Variants in POLR2F observed in about 807,000 individuals in gnomAD.
POLR2F encodes DNA-directed RNA polymerases I, II, and III subunit RPABC2.
Under a neutral mutation model 22.7 loss-of-function variants are expected in POLR2F, and 12 were observed. That is an observed-to-expected ratio of 0.53 (90% CI 0.34 to 0.86). The LOEUF (loss-of-function observed/expected upper bound fraction) is 0.86. POLR2F is among the 40% of genes least tolerant of loss of function. The pLI is 0.02. For synonymous variants in POLR2F, 57 were observed against 66.0 expected, an observed-to-expected ratio of 0.86 and a Z score of 0.66; for missense variants, 126 against 171.5, an observed-to-expected ratio of 0.73 and a Z score of 1.48.
At chr22:37,981,974 G>T (rs189637500), upstream of POLR2F, among the ~76,000 whole-genome samples, 1 of 152,294 alleles carries the variant, frequency 6.6e-6, no homozygotes, top group African/African-American at 2.4e-5. Flanking sequence ...TGGTCTCTTG[G>T]AGATCCTCCT....
At chr22:38,024,070 C>T (rs1463310518) in intron 1 of POLR2F, among the ~76,000 whole-genome samples, 3 of 152,088 alleles carry the variant, frequency 2.0e-5, no homozygotes, top group African/African-American at 2.4e-5. Flanking sequence ...TCTCGAACTC[C>T]TGACCTCAGG....
At chr22:38,030,441 A>G (rs1264461871), downstream of POLR2F, among the ~76,000 whole-genome samples, 1 of 150,318 alleles carries the variant, frequency 6.7e-6, no homozygotes, top group Non-Finnish European at 1.5e-5. Context: ...GATTCCAGAG[A>G]CTTTCACAGT....
In POLR2F at chr22:37,995,703, T is replaced by C. The variant is rs538862890; in HGVS notation, c.120+9391T>C. On this transcript the variant is annotated intron_variant, in intron 1 of 2. Coordinates refer to the POLR2F transcript ENST00000333418. ...AAAAAGCTGGGAGAGGCAGGTACAG[T>C]GGCTCACACCTGTAGTCCCAGCACT... Among the ~76,000 whole-genome samples, 34 of 152,128 alleles carry C rather than the reference T, an allele frequency of 2.2e-4. No homozygotes were observed. The South Asian group carries it at 3.7e-3, about 17-fold the overall frequency.
rs1305483895 is a variant in POLR2F, at chr22:37,978,485, A to C, written c.293+11315A>C. Among the ~76,000 whole-genome samples, 1 of 152,212 alleles carries C rather than the reference A, an allele frequency of 6.6e-6. No individual in the cohort carries two copies. The highest frequency in any genetic ancestry group is 1.5e-5 in the Non-Finnish European group (1 of 68,038). ...CAAGGAAAGGAAAAACTTTCTCATC[A>C]TCAAAGCTGTCTGCAAGTGGAATTG... On this transcript the variant is annotated intron_variant, in intron 4 of 4. Transcript: ENST00000405557. This position sits in a 1 kb window ranked among gnomAD's most constrained non-coding sequence, Gnocchi z 5.0.
chr22:37,970,287 CCGTCT>C (rs1292382151), downstream of POLR2F, among the ~76,000 whole-genome samples: 2 of 97,934 alleles, frequency 2.0e-5, no homozygotes, highest in Non-Finnish European at 4.1e-5. Context: ...GAGAGAGACT[CCGTCT>C]CAAAAAAAAA....
intron 3 of POLR2F, among the ~76,000 whole-genome samples, chr22:37,961,486 C>A (rs1028687436): frequency 6.6e-6 from 1 of 152,134 alleles, no homozygotes; most frequent in East Asian, 1.9e-4. Flanking sequence ...ATTTGAAAAT[C>A]AGCAAACTTC....
At position 38,016,530 on chromosome 22, in the gene POLR2F, C is replaced by T. The variant is rs1199347517; in HGVS notation, c.121-9339C>T. Among the ~76,000 whole-genome samples, 5 of 152,128 alleles carry T rather than the reference C, an allele frequency of 3.3e-5. No homozygotes were observed. On this transcript the variant is annotated intron_variant, in intron 1 of 2. Transcript: ENST00000333418. The surrounding 1 kb of genome is among the most constrained non-coding windows in gnomAD (Gnocchi z 4.4). Reference sequence around the variant, plus strand: ...TTCATAAATCAGAGGGGCTTAGGGGCGAGGGGGCTGCTTGGCAGGACTTGG... The same window carrying T: ...TTCATAAATCAGAGGGGCTTAGGGGTGAGGGGGCTGCTTGGCAGGACTTGG...
At chr22:38,014,357 T>A (rs985799805) in intron 1 of POLR2F, among the ~76,000 whole-genome samples, 2 of 150,500 alleles carry the variant, frequency 1.3e-5, no homozygotes, top group Admixed American at 6.6e-5. Flanking sequence ...TTTTTTTATT[T>A]TTTTTTTTTT....
chr22:37,973,329 G>A (rs902445135), downstream of POLR2F: 3 of 587,576 alleles, frequency 5.1e-6, no homozygotes, highest in African/African-American at 1.9e-5. Flanking sequence ...GATGGGGCGG[G>A]TGGGTCATCA....
rs767609626 is a variant in POLR2F, at chr22:37,959,464, C to T, written c.209C>T (p.Ala70Val). 3 of 1,613,816 alleles carry T rather than the reference C, an allele frequency of 1.9e-6. No individual in the cohort carries two copies. The highest frequency in any genetic ancestry group is 2.5e-6 in the Non-Finnish European group (3 of 1,179,934). The change falls in exon 3 of 5, where the codon GCG becomes GTG. Residue 70 changes from alanine to valine, a missense_variant. Coordinates refer to ENST00000442738, the MANE Select transcript of POLR2F (RefSeq NM_021974.5). ...YERARVLGTR[A>V]LQIAMCAPVM... The stretch of plus-strand genomic sequence containing the variant: ...CGAGCCCGCGTGCTGGGCACCCGAG[C>T]GCTCCAGATTGCGTGAGTGATTGCC...
chr22:37,993,085 GA>G (rs990129683), intron 1 of POLR2F, among the ~76,000 whole-genome samples: 3 of 152,216 alleles, frequency 2.0e-5, no homozygotes, highest in Non-Finnish European at 2.9e-5. Context: ...GGAAGGAAGA[GA>G]GGGGGCAGAG....
exon 3 of POLR2F, chr22:38,026,511 C>T (rs528846089): frequency 2.8e-6 from 1 of 352,456 alleles, no homozygotes; most frequent in South Asian, 2.1e-5. Flanking sequence ...ATTCTGAGAG[C>T]AGAGGAGGGA....
chr22:38,024,487 G>A (rs1028533076), intron 1 of POLR2F, among the ~76,000 whole-genome samples: 2 of 152,206 alleles, frequency 1.3e-5, no homozygotes, highest in Non-Finnish European at 2.9e-5. Flanking sequence ...CTTGGTTTTC[G>A]GTCTTAGGGA....
intron 5 of POLR2F, among the ~76,000 whole-genome samples, chr22:38,033,711 G>A (rs906497496): frequency 2.0e-4 from 31 of 152,210 alleles, no homozygotes; most frequent in Admixed American, 1.1e-3. Context: ...TTCCAAGAGC[G>A]GTGGCAGGAT....
chr22:37,961,960 G>A (rs750940292), intron 3 of POLR2F, among the ~76,000 whole-genome samples: 58 of 152,132 alleles, frequency 3.8e-4, no homozygotes, highest in African/African-American at 8.0e-4. Context: ...GCTGGGTGCC[G>A]TGGCTCACAA....
chr22:38,023,103 C>A (rs937613573), intron 1 of POLR2F, among the ~76,000 whole-genome samples: 10 of 152,174 alleles, frequency 6.6e-5, no homozygotes, highest in Admixed American at 1.3e-4. Context: ...TTTGTGTTCC[C>A]CTTGGGGTGT....
intron 1 of POLR2F, among the ~76,000 whole-genome samples, chr22:38,009,249 G>A (rs145465812): frequency 6.6e-6 from 1 of 152,340 alleles, no homozygotes; most frequent in Non-Finnish European, 1.5e-5. Context: ...GTGGGGCTGC[G>A]AGGGTTTCAG....
At position 38,013,956 on chromosome 22, in the gene POLR2F, C is replaced by T. The variant is rs192188688; in HGVS notation, c.121-11913C>T. ...TGACCAACATGGAGAAACCCCGTCT[C>T]TACTAAAAATACAAAATTAGCCGGG... On this transcript the variant is annotated intron_variant, in intron 1 of 2. Coordinates refer to the POLR2F transcript ENST00000333418. Among the ~76,000 whole-genome samples, 385 of 151,984 alleles carry T rather than the reference C, an allele frequency of 2.5e-3. 1 individual carries two copies. Among genetic ancestry groups the T allele is most frequent in the African/African-American group, 8.8e-3 (366 of 41,460 alleles).
At chr22:38,036,379 G>A (rs934594164) in intron 5 of POLR2F, among the ~76,000 whole-genome samples, 3 of 151,680 alleles carry the variant, frequency 2.0e-5, no homozygotes, top group Non-Finnish European at 4.4e-5. Flanking sequence ...AAAATTCCCC[G>A]AAGGAGAGGC....
Sources: allele counts gnomAD v4.1 joint callset (sites outside exome capture counted in the v4.1 genomes callset), GRCh38; gene constraint gnomAD v4.1.1; non-coding constraint Gnocchi (gnomAD v3.1); transcripts MANE v1.5; gene names NCBI Gene and HGNC (gene_info 2026-07-23, HGNC 2026-07-21).